The following TTC6 variants were observed in gnomAD, a reference collection of about 807,000 sequenced individuals.
TTC6 encodes tetratricopeptide repeat protein 6.
Under a neutral mutation model 210.4 loss-of-function variants are expected in TTC6, and 172 were observed. The ratio of observed to expected loss-of-function variants is 0.82; its 90% CI spans 0.72 to 0.93. The LOEUF (loss-of-function observed/expected upper bound fraction) is 0.93. Ranked by LOEUF, TTC6 falls within the 40% of genes least tolerant of loss-of-function variation. The pLI is 0.00. For synonymous variants in TTC6, 804 were observed against 819.6 expected, an observed-to-expected ratio of 0.98 and a Z score of 0.32; for missense variants, 2,414 against 2,318.1, an observed-to-expected ratio of 1.04 and a Z score of -0.85.
At chr14:37,623,864 T>C (rs1302470092) in intron 1 of TTC6, among the ~76,000 whole-genome samples, 1 of 152,146 alleles carries the variant, frequency 6.6e-6, no homozygotes, top group Admixed American at 6.5e-5. Flanking sequence ...TATACAGACT[T>C]TGCTGTGGCA....
At chr14:37,689,198 T>C (rs1258509130) in intron 3 of TTC6, among the ~76,000 whole-genome samples, 1 of 151,964 alleles carries the variant, frequency 6.6e-6, no homozygotes, top group Admixed American at 6.6e-5. Flanking sequence ...CAGAGTCTTT[T>C]AGTGGCAGAA....
In TTC6 at chr14:37,664,469, A is replaced by G. The variant is rs2095743838; in HGVS notation, c.940-15682A>G. Among the ~76,000 whole-genome samples, 2 of 150,620 alleles carry G rather than the reference A, an allele frequency of 1.3e-5. 1 individual carries two copies. Among genetic ancestry groups the G allele is most frequent in the Non-Finnish European group, 3.0e-5 (2 of 67,094 alleles). On this transcript the variant is annotated intron_variant, in intron 1 of 30. Coordinates refer to ENST00000553443, the Ensembl canonical transcript of TTC6. ...TCCATATGTAGAAAATTGAAACTGG[A>G]CCCTTTCCTCACACCATATACAAAA...
chr14:37,654,515 C>T (rs1449078653), intron 1 of TTC6, among the ~76,000 whole-genome samples: 1 of 152,098 alleles, frequency 6.6e-6, no homozygotes, highest in African/African-American at 2.4e-5. Flanking sequence ...TCCCCAGAAG[C>T]AGATGCCGCT....
Position 37,598,388 on chromosome 14 carries a change from A to C in TTC6, c.-235+2380A>C, listed in dbSNP as rs2095608621. ...GCTCCTCAAGTGGGGGATCCGCGGC[A>C]GTGAGGACTGTAGGGTGCGCGGGTA... On this transcript the variant is annotated intron_variant, in intron 1 of 2. Coordinates refer to the TTC6 transcript ENST00000556845. The surrounding 1 kb of genome is among the most constrained non-coding windows in gnomAD (Gnocchi z 4.9). Among the ~76,000 whole-genome samples the C allele has an allele frequency of 6.6e-6, 1 of 152,156 alleles. No homozygotes were observed. The highest frequency in any genetic ancestry group is 1.5e-5 in the Non-Finnish European group (1 of 68,010).
chr14:37,691,036 T>C (rs776900784), intron 3 of TTC6, among the ~76,000 whole-genome samples: 1 of 151,902 alleles, frequency 6.6e-6, no homozygotes, highest in Non-Finnish European at 1.5e-5. Context: ...CTGACCACAA[T>C]AGAGTAAAAC....
At chr14:37,798,038 A>G (rs982530988) in intron 20 of TTC6, among the ~76,000 whole-genome samples, 6 of 152,088 alleles carry the variant, frequency 3.9e-5, no homozygotes, top group African/African-American at 1.4e-4. Flanking sequence ...CAGCAGTACA[A>G]TGTCTTAATT....
chr14:37,715,408 G>A (rs941833555), intron 6 of TTC6, among the ~76,000 whole-genome samples: 1 of 151,972 alleles, frequency 6.6e-6, no homozygotes. Context: ...TCCCAAACTG[G>A]AAAAATCCAA....
At chr14:37,829,546 T>A (rs993348401) in intron 29 of TTC6, among the ~76,000 whole-genome samples, 20 of 152,054 alleles carry the variant, frequency 1.3e-4, no homozygotes, top group Non-Finnish European at 2.1e-4. Context: ...AGTAATTTTT[T>A]AAAAAAAGTT....
At chr14:37,737,683 A>C (rs1402816190) in exon 9 of TTC6, 2 of 1,523,688 alleles carry the variant, frequency 1.3e-6, no homozygotes, top group African/African-American at 2.7e-5. Flanking sequence ...GAAAATCTGC[A>C]TCATTTGAAA....
intron 1 of TTC6, among the ~76,000 whole-genome samples, chr14:37,653,459 T>G (rs1163609456): frequency 2.0e-5 from 3 of 152,214 alleles, no homozygotes; most frequent in Non-Finnish European, 1.5e-5. Flanking sequence ...GTCTCTCCTA[T>G]TTTCTTTTTT....
At chr14:37,794,038 C>G (rs1595276304) in intron 17 of TTC6, among the ~76,000 whole-genome samples, 1 of 152,158 alleles carries the variant, frequency 6.6e-6, no homozygotes, top group Non-Finnish European at 1.5e-5. Context: ...TAAATCTAAT[C>G]TAAGGCTACC....
At chr14:37,741,061 G>A (rs1249255492) in intron 10 of TTC6, among the ~76,000 whole-genome samples, 1 of 152,086 alleles carries the variant, frequency 6.6e-6, no homozygotes, top group Non-Finnish European at 1.5e-5. Context: ...TGCTGCCAAT[G>A]GGTGTAACAG....
At chr14:37,641,195 A>G (rs918188487) in intron 1 of TTC6, among the ~76,000 whole-genome samples, 1 of 152,206 alleles carries the variant, frequency 6.6e-6, no homozygotes, top group Non-Finnish European at 1.5e-5. Context: ...CATATTGTAC[A>G]TGGGAAGCTG....
Position 37,767,820 on chromosome 14 carries a change from C to T in TTC6, c.3266+14585C>T, listed in dbSNP as rs956468307. Among the ~76,000 whole-genome samples, 768 of 150,660 alleles carry T rather than the reference C, an allele frequency of 5.1e-3. 9 individuals are homozygous for T. Among genetic ancestry groups the T allele is most frequent in the African/African-American group, 0.018 (723 of 41,140 alleles). ...TTTAGTTTAATTAGATCCCATTTGT[C>T]AATTTTGACTTTTGTTGCCATTGCT... On this transcript the variant is annotated intron_variant, in intron 14 of 30. Coordinates refer to ENST00000553443, the Ensembl canonical transcript of TTC6.
intron 29 of TTC6, among the ~76,000 whole-genome samples, chr14:37,840,679 A>T (rs2096207936): frequency 6.6e-6 from 1 of 152,210 alleles, no homozygotes; most frequent in African/African-American, 2.4e-5. Flanking sequence ...CTGGGATGCA[A>T]GGCTGGTTCA....
intron 14 of TTC6, among the ~76,000 whole-genome samples, chr14:37,777,141 C>G (rs950346365): frequency 3.3e-5 from 5 of 152,040 alleles, no homozygotes; most frequent in African/African-American, 9.7e-5. Context: ...GAATGTTGGC[C>G]TTTCTAGCAA....
chr14:37,775,759 T>C (rs1401213802), intron 14 of TTC6, among the ~76,000 whole-genome samples: 1 of 152,182 alleles, frequency 6.6e-6, no homozygotes, highest in East Asian at 1.9e-4. Flanking sequence ...TCTAAGTCTC[T>C]TCATAGGTCT....
At chr14:37,818,850 A>T (rs1352642368) in intron 26 of TTC6, among the ~76,000 whole-genome samples, 2 of 152,148 alleles carry the variant, frequency 1.3e-5, no homozygotes, top group East Asian at 3.8e-4. Context: ...TGGAATAACG[A>T]TGACTGATGT....
chr14:37,810,624 G>A (rs1160904865), intron 24 of TTC6, among the ~76,000 whole-genome samples: 3 of 152,126 alleles, frequency 2.0e-5, no homozygotes, highest in Admixed American at 2.0e-4. Context: ...TTGTAAAACT[G>A]TCTGACCTCC....
Sources: allele counts gnomAD v4.1 joint callset (sites outside exome capture counted in the v4.1 genomes callset), GRCh38; gene constraint gnomAD v4.1.1; non-coding constraint Gnocchi (gnomAD v3.1); transcripts MANE v1.5; gene names NCBI Gene and HGNC (gene_info 2026-07-23, HGNC 2026-07-21).